The following RSU1 variants were observed in gnomAD, a reference collection of about 807,000 sequenced individuals.
The protein encoded by RSU1 is Ras suppressor protein 1.
A neutral mutation model predicts 31.1 loss-of-function variants in RSU1; 26 were observed. The ratio of observed to expected loss-of-function variants is 0.84; its 90% CI spans 0.61 to 1.16. The LOEUF (loss-of-function observed/expected upper bound fraction) is 1.16, where lower values mean the gene tolerates loss of function less well. Among genes scored for constraint, RSU1 ranks in the 50% most tolerant of loss-of-function variants. The pLI, the probability that RSU1 is intolerant of heterozygous loss-of-function variation, is 0.00. For synonymous variants in RSU1, 164 were observed against 136.3 expected (o/e 1.20, Z -1.41); for missense variants, 320 against 339.1 (o/e 0.94, Z 0.44).
chr10:16,790,998 T>C (rs1218813243), intron 2 of RSU1, among the ~76,000 whole-genome samples: 2 of 152,152 alleles, frequency 1.3e-5, no homozygotes, highest in African/African-American at 4.8e-5. Context: ...TGTGAGAACA[T>C]ACTAATACAG....
chr10:16,696,698 T>G (rs1835682353), intron 7 of RSU1, among the ~76,000 whole-genome samples: 1 of 152,222 alleles, frequency 6.6e-6, no homozygotes, highest in South Asian at 2.1e-4. Flanking sequence ...ATTAAGTCAC[T>G]TGGGAAATTA....
chr10:16,637,276 C>G (rs1252863204), intron 8 of RSU1, among the ~76,000 whole-genome samples: 3 of 152,058 alleles, frequency 2.0e-5, no homozygotes, highest in African/African-American at 7.2e-5. Context: ...ATGAACATGC[C>G]ACTGTGAGTG....
At chr10:16,626,319 G>A (rs1395250107) in intron 8 of RSU1, among the ~76,000 whole-genome samples, 1 of 152,048 alleles carries the variant, frequency 6.6e-6, no homozygotes, top group African/African-American at 2.4e-5. Flanking sequence ...CTGAGGAGCT[G>A]GGGCCACAGG....
chr10:16,746,665 C>CT lies in RSU1; in HGVS notation c.598+5873dup, dbSNP rs535857942. Among the ~76,000 whole-genome samples the CT allele has an allele frequency of 5.3e-3, 544 of 101,828 alleles. 7 individuals are homozygous for CT. Among genetic ancestry groups the CT allele is most frequent in the African/African-American group, 0.017 (480 of 28,576 alleles). The allele number at this position is 101,828 out of a possible 152,430, so 66.8% of individuals were successfully genotyped here. ...GGTGACGTCACCAGCTCCCAAATCACTTTTTTTTTTTTTTTTTTTTTTTCC... is the reference window on the plus strand; with the variant it reads ...GGTGACGTCACCAGCTCCCAAATCACTTTTTTTTTTTTTTTTTTTTTTTTCC... On this transcript the variant is annotated intron_variant, in intron 7 of 8. Transcript: ENST00000345264.
At chr10:16,801,177 A>C (rs1218653710) in intron 2 of RSU1, among the ~76,000 whole-genome samples, 4 of 152,082 alleles carry the variant, frequency 2.6e-5, no homozygotes, top group Admixed American at 2.6e-4. Flanking sequence ...AACTAAATTA[A>C]AAGTAACGGG....
At chr10:16,679,026 G>A (rs895450579) in intron 8 of RSU1, among the ~76,000 whole-genome samples, 6 of 152,080 alleles carry the variant, frequency 3.9e-5, no homozygotes, top group Non-Finnish European at 8.8e-5. Flanking sequence ...AGAGTAATGT[G>A]GTAAAAAGAT....
chr10:16,620,294 A>T (rs1418555818), intron 8 of RSU1, among the ~76,000 whole-genome samples: 2 of 152,200 alleles, frequency 1.3e-5, no homozygotes, highest in Non-Finnish European at 2.9e-5. Context: ...TGATGTCAAT[A>T]GTGGATGATA....
chr10:16,789,538 G>C (rs1431888241), intron 2 of RSU1, among the ~76,000 whole-genome samples: 1 of 152,180 alleles, frequency 6.6e-6, no homozygotes, highest in Non-Finnish European at 1.5e-5. Flanking sequence ...GGAATGGTGA[G>C]TTCACTGTGA....
intron 8 of RSU1, among the ~76,000 whole-genome samples, chr10:16,604,505 G>A (rs1437366980): frequency 6.6e-6 from 1 of 151,994 alleles, no homozygotes; most frequent in African/African-American, 2.4e-5. Flanking sequence ...ACACCTGCAC[G>A]GTCCAGCTTC....
chr10:16,809,242 C>G (rs1838348996), intron 2 of RSU1, among the ~76,000 whole-genome samples: 2 of 152,196 alleles, frequency 1.3e-5, no homozygotes, highest in Admixed American at 6.5e-5. Context: ...GAAACATGCT[C>G]TGATCAGCAC....
At chr10:16,750,316 C>T (rs1836950497) in intron 7 of RSU1, among the ~76,000 whole-genome samples, 1 of 152,150 alleles carries the variant, frequency 6.6e-6, no homozygotes, top group Non-Finnish European at 1.5e-5. Context: ...TCAGGAAAAA[C>T]TGCTATCAGG....
intron 8 of RSU1, among the ~76,000 whole-genome samples, chr10:16,669,853 A>G (rs938886748): frequency 6.6e-6 from 1 of 152,188 alleles, no homozygotes. Flanking sequence ...GGTTGATTCC[A>G]TGTCTTTGCT....
chr10:16,668,460 T>C (rs1251664403), intron 8 of RSU1, among the ~76,000 whole-genome samples: 1 of 152,220 alleles, frequency 6.6e-6, no homozygotes, highest in Non-Finnish European at 1.5e-5. Flanking sequence ...CTTGGGTTGG[T>C]CATTTAATCA....
rs1838568850 is a variant in RSU1, at chr10:16,817,400, C to G, written c.-89G>C. ...CAGCTGCCCTCACTCCCTGCAACAC[C>G]GGCACTGAACAGCGAACACGCCCTG... is the stretch of plus-strand genomic sequence containing the variant. On this transcript the variant is annotated 5_prime_UTR_variant, in exon 1 of 9. Transcript: ENST00000345264. 6.3e-6 allele frequency: 2 copies of G among 315,218 alleles called. No homozygotes were observed. Among genetic ancestry groups the G allele is most frequent in the Non-Finnish European group, 1.2e-5 (2 of 164,602 alleles). The allele number at this position is 315,218 out of a possible 1,614,324, so 19.5% of individuals were successfully genotyped here.
intron 8 of RSU1, among the ~76,000 whole-genome samples, chr10:16,646,673 C>T (rs1564299016): frequency 6.6e-6 from 1 of 152,224 alleles, no homozygotes; most frequent in Non-Finnish European, 1.5e-5. Flanking sequence ...TGGCACATGT[C>T]AGTCAATACT....
intron 8 of RSU1, among the ~76,000 whole-genome samples, chr10:16,623,145 G>C (rs1377656881): frequency 1.3e-5 from 2 of 152,150 alleles, no homozygotes. Context: ...ACCATGTACT[G>C]AGAATAGTTT....
chr10:16,640,311 G>C (rs779123403), intron 8 of RSU1, among the ~76,000 whole-genome samples: 1 of 151,982 alleles, frequency 6.6e-6, no homozygotes, highest in African/African-American at 2.4e-5. Context: ...CTTAGGTGCT[G>C]CCAAATTCTC....
intron 7 of RSU1, among the ~76,000 whole-genome samples, chr10:16,731,756 G>GT (rs1836516216): frequency 2.0e-5 from 3 of 151,668 alleles, no homozygotes; most frequent in East Asian, 3.9e-4. Flanking sequence ...AGGCTGACCA[G>GT]TTTTTTATAG....
chr10:16,608,157 G>A (rs1833836259), intron 8 of RSU1, among the ~76,000 whole-genome samples: 1 of 152,164 alleles, frequency 6.6e-6, no homozygotes, highest in South Asian at 2.1e-4. Context: ...AGACAGCACT[G>A]TATTATTTTC....
Sources: gnomAD v4.1 joint callset for allele counts (sites outside exome capture counted in the v4.1 genomes callset) on GRCh38, gnomAD v4.1.1 for gene constraint, MANE v1.5 for transcripts, NCBI Gene and HGNC (gene_info 2026-07-23, HGNC 2026-07-21) for gene names.